DLGAP2: variants seen among roughly 807,000 people sequenced by gnomAD.
DLGAP2 encodes the protein disks large-associated protein 2.
In DLGAP2, 26 loss-of-function variants were observed where a neutral mutation model predicts 100.3. That is an observed-to-expected ratio of 0.26 (90% CI 0.19 to 0.36). The LOEUF (loss-of-function observed/expected upper bound fraction) is 0.36, where lower values mean the gene tolerates loss of function less well. Ranked by LOEUF, DLGAP2 falls within the 10% of genes least tolerant of loss-of-function variation. DLGAP2 has a pLI of 1.00. For missense variants in DLGAP2, 1,858 were observed against 1,453.2 expected, an observed-to-expected ratio of 1.28 and a Z score of -4.53; for synonymous variants, 886 against 630.1, an observed-to-expected ratio of 1.41 and a Z score of -6.08.
chr8:774,053 G>A (rs1821441812), intron 1 of DLGAP2, among the ~76,000 whole-genome samples: 1 of 152,238 alleles, frequency 6.6e-6, no homozygotes, highest in South Asian at 2.1e-4. Context: ...ACTGGTGTGA[G>A]ATGGTGTCTC....
At chr8:1,222,256 T>C (rs946235682) in intron 2 of DLGAP2, among the ~76,000 whole-genome samples, 4 of 152,238 alleles carry the variant, frequency 2.6e-5, no homozygotes, top group East Asian at 1.9e-4. Flanking sequence ...ATGGGGCTTT[T>C]TGATTTTATA....
At chr8:1,308,663 C>G (rs1381454013) in intron 3 of DLGAP2, among the ~76,000 whole-genome samples, 2 of 152,104 alleles carry the variant, frequency 1.3e-5, no homozygotes, top group Non-Finnish European at 1.5e-5. Context: ...CTAGTTGGGA[C>G]TACAGGTGCC....
At chr8:869,491 A>T (rs1797558121) in intron 1 of DLGAP2, among the ~76,000 whole-genome samples, 1 of 152,206 alleles carries the variant, frequency 6.6e-6, no homozygotes, top group Admixed American at 6.5e-5. Flanking sequence ...ATTAAAATAG[A>T]CGTCTCTTTA....
At chr8:1,081,614 G>A (rs1227601095) in intron 2 of DLGAP2, among the ~76,000 whole-genome samples, 2 of 152,196 alleles carry the variant, frequency 1.3e-5, no homozygotes, top group Admixed American at 1.3e-4. Context: ...GCCTCCCAAA[G>A]TGCATGGATT....
At chr8:1,537,786 G>A (rs1420896851) in intron 4 of DLGAP2, among the ~76,000 whole-genome samples, 1 of 149,082 alleles carries the variant, frequency 6.7e-6, no homozygotes, top group East Asian at 2.0e-4. Flanking sequence ...AGGAAGGAAG[G>A]ACAAATGGAT....
rs1478685168 is a variant in DLGAP2 at position 1,707,153 on chromosome 8, A to T, written c.*5747A>T. On this transcript the variant is annotated 3_prime_UTR_variant, in exon 15 of 15. Transcript: ENST00000637795. Reference sequence around the variant, plus strand: ...CTCCCTACTTTCTTAGATTTTATGTAACTCTTTTCATTGGTGCTTATTCAG... The same window carrying T: ...CTCCCTACTTTCTTAGATTTTATGTTACTCTTTTCATTGGTGCTTATTCAG... 1 of 152,650 alleles carries T rather than the reference A, an allele frequency of 6.6e-6. No individual in the cohort carries two copies. The highest frequency in any genetic ancestry group is 2.4e-5 in the African/African-American group (1 of 41,462). 9.5% of individuals were successfully genotyped at this position (152,650 alleles called of 1,614,324 possible).
chr8:1,654,861 G>A (rs1798247978), intron 8 of DLGAP2, among the ~76,000 whole-genome samples: 1 of 152,078 alleles, frequency 6.6e-6, no homozygotes, highest in South Asian at 2.1e-4. Flanking sequence ...CTGGCCCTTT[G>A]AACATTCAAA....
chr8:1,494,699 G>A lies in DLGAP2; in HGVS notation c.107-6667G>A, dbSNP rs149664282. Among the ~76,000 whole-genome samples the A allele has an allele frequency of 4.0e-3, 603 of 152,052 alleles. 2 individuals carry two copies. The highest frequency in any genetic ancestry group is 0.014 in the African/African-American group (564 of 41,462). On this transcript the variant is annotated intron_variant, in intron 3 of 14. Transcript: ENST00000637795. ...GCTGAGATTGTGCCATTGCACTCCA[G>A]CCTGGGCAACAGACCCAGACTCCAT...
chr8:895,522 C>T (rs1428077510), intron 1 of DLGAP2, among the ~76,000 whole-genome samples: 1 of 152,178 alleles, frequency 6.6e-6, no homozygotes, highest in African/African-American at 2.4e-5. Context: ...TTTGTGTAAC[C>T]AGAGCTTGAG....
chr8:867,742 G>A (rs537742271), intron 1 of DLGAP2, among the ~76,000 whole-genome samples: 27 of 152,278 alleles, frequency 1.8e-4, no homozygotes, highest in South Asian at 6.2e-4. Context: ...TTCTCAGTGC[G>A]TAATTCCTGT....
At chr8:994,453 G>T (rs1010097022) in intron 2 of DLGAP2, among the ~76,000 whole-genome samples, 28 of 152,200 alleles carry the variant, frequency 1.8e-4, no homozygotes, top group Admixed American at 1.8e-3. Context: ...GTCTGCCTCA[G>T]CCTCCCAAAG....
chr8:1,437,708 C>T (rs1332757905), intron 3 of DLGAP2, among the ~76,000 whole-genome samples: 1 of 150,166 alleles, frequency 6.7e-6, no homozygotes, highest in Non-Finnish European at 1.5e-5. Context: ...TGGCTCATGC[C>T]TGTAATCCCA....
chr8:1,638,521 G>C (rs1563272893), intron 8 of DLGAP2, among the ~76,000 whole-genome samples: 1 of 152,168 alleles, frequency 6.6e-6, no homozygotes, highest in Non-Finnish European at 1.5e-5. Flanking sequence ...ATGTTATAAT[G>C]AAGACCCGCG....
intron 1 of DLGAP2, among the ~76,000 whole-genome samples, chr8:811,921 G>C (rs1023243133): frequency 6.6e-6 from 1 of 152,268 alleles, no homozygotes; most frequent in East Asian, 1.9e-4. Flanking sequence ...TTTACTGTTA[G>C]GCAAGCGTGA....
rs60910397 is a variant in DLGAP2, at chr8:1,663,196, CTGTG to C, written c.1811-5125_1811-5122del. Among the ~76,000 whole-genome samples the C allele has an allele frequency of 6.8e-3, 820 of 119,980 alleles. 5 individuals are homozygous for C. Among genetic ancestry groups the C allele is most frequent in the African/African-American group, 0.019 (598 of 31,712 alleles). 78.7% of individuals were successfully genotyped at this position (119,980 alleles called of 152,430 possible). On this transcript the variant is annotated intron_variant, in intron 8 of 14. Coordinates refer to ENST00000637795, the MANE Select transcript of DLGAP2 (RefSeq NM_001346810.2). ...GTACACGTGTGAGTGTGGGGTATGACTGTGTGTGTGTACACGTGTGAGTGTGGGG... is the reference window on the plus strand; with the variant it reads ...GTACACGTGTGAGTGTGGGGTATGACTGTGTGTACACGTGTGAGTGTGGGG...
rs1272554450 is a variant in DLGAP2, at chr8:1,701,368, A to G, written c.3130A>G (p.Ile1044Val). The G allele has an allele frequency of 6.3e-7, 1 of 1,598,420 alleles. No individual in the cohort carries two copies. The highest frequency in any genetic ancestry group is 1.3e-5 in the African/African-American group (1 of 74,596). The change falls in exon 15 of 15, where the codon ATC becomes GTC. Residue 1044 changes from isoleucine (I) to valine (V), a missense_variant. By Grantham distance (29) the Ile-to-Val change is conservative. Transcript: ENST00000637795. ...TTCCGCCTCCGAGCGCGCGGACAGC[A>G]TCGAGATCTACATCCCCGAGGCCCA... ...QNSASERADS[I>V]EIYIPEAQTR...
intron 5 of DLGAP2, among the ~76,000 whole-genome samples, chr8:1,552,022 C>G (rs1486436767): frequency 6.6e-6 from 1 of 152,102 alleles, no homozygotes; most frequent in Non-Finnish European, 1.5e-5. Context: ...TTGGAACCAG[C>G]TGGTTGGTCT....
chr8:1,085,309 G>A (rs969414857), intron 2 of DLGAP2, among the ~76,000 whole-genome samples: 1 of 152,020 alleles, frequency 6.6e-6, no homozygotes, highest in Admixed American at 6.6e-5. Context: ...CTAACCTGTA[G>A]GCTATTTCTT....
At chr8:1,458,774 G>A (rs1190197006) in intron 3 of DLGAP2, among the ~76,000 whole-genome samples, 1 of 152,220 alleles carries the variant, frequency 6.6e-6, no homozygotes, top group Non-Finnish European at 1.5e-5. Flanking sequence ...AACACAGGGA[G>A]TTTTCTCTGC....
Sources: allele counts gnomAD v4.1 joint callset (sites outside exome capture counted in the v4.1 genomes callset), GRCh38; gene constraint gnomAD v4.1.1; transcripts MANE v1.5; gene names NCBI Gene and HGNC (gene_info 2026-07-23, HGNC 2026-07-21).